CCDC73: variants seen among roughly 807,000 people sequenced by gnomAD.
The protein encoded by CCDC73 is coiled-coil domain containing 73.
In CCDC73, 95 loss-of-function variants were observed where a neutral mutation model predicts 116.5. That is an observed-to-expected ratio of 0.82 (90% CI 0.69 to 0.97). The LOEUF is 0.97. Ranked by LOEUF, CCDC73 falls within the 50% of genes least tolerant of loss-of-function variation. The pLI is 0.00. For missense variants in CCDC73, 1,066 were observed against 1,206.8 expected (o/e 0.88, Z 1.73); for synonymous variants, 398 against 401.3 (o/e 0.99, Z 0.10).
At chr11:32,829,663 G>T in the CCDC73 span, 2 of 731,542 alleles carry the variant, frequency 2.7e-6, no homozygotes, top group Non-Finnish European at 3.3e-6. Context: ...ACTGAGAACC[G>T]AAATGCTTCC....
Position 32,629,929 on chromosome 11 carries a change from A to C in CCDC73, c.1185+5767T>G, listed in dbSNP as rs1018663424. On this transcript the variant is annotated intron_variant, in intron 14 of 17. Coordinates refer to ENST00000335185, the MANE Select transcript of CCDC73 (RefSeq NM_001008391.4). ...GAATTCCAGCAGATATGCAAAAAAAAAAAAACAAAAAAAAAACGTTAAAAG... is the reference window on the plus strand; with the variant it reads ...GAATTCCAGCAGATATGCAAAAAAACAAAAACAAAAAAAAAACGTTAAAAG... 5.4e-5 allele frequency among the ~76,000 whole-genome samples: 8 copies of C among 148,950 alleles called. No homozygotes were observed. The East Asian group carries it at 1.4e-3, about 25-fold the overall frequency.
At chr11:32,668,330 CCATAAGCTCCT>C (rs1375587811) in intron 9 of CCDC73, among the ~76,000 whole-genome samples, 2 of 152,108 alleles carry the variant, frequency 1.3e-5, no homozygotes, top group Admixed American at 6.5e-5. Flanking sequence ...TTCCTATAGA[CCATAAGCTCCT>C]CAAGAAAATG....
At chr11:32,724,689 T>C (rs956745264) in intron 2 of CCDC73, among the ~76,000 whole-genome samples, 7 of 152,192 alleles carry the variant, frequency 4.6e-5, no homozygotes, top group African/African-American at 1.7e-4. Context: ...TGCCAATAAT[T>C]ACTTGGAGCT....
chr11:32,808,085 CAT>C, the CCDC73 span, among the ~76,000 whole-genome samples: 12 of 152,026 alleles, frequency 7.9e-5, no homozygotes, highest in African/African-American at 2.9e-4. Flanking sequence ...AAATTAAAAG[CAT>C]GTGTACAACA....
intron 2 of CCDC73, among the ~76,000 whole-genome samples, chr11:32,736,149 C>A (rs1175725369): frequency 1.3e-5 from 2 of 152,002 alleles, no homozygotes; most frequent in African/African-American, 2.4e-5. Flanking sequence ...CAAAAGCCAA[C>A]ATTGACAAAT....
chr11:32,665,559 C>A (rs1003500659), intron 9 of CCDC73, among the ~76,000 whole-genome samples: 2 of 152,112 alleles, frequency 1.3e-5, no homozygotes, highest in Non-Finnish European at 2.9e-5. Context: ...TGTCTCTGCA[C>A]GTGAGATGGG....
chr11:32,686,973 A>C (rs904366875), intron 6 of CCDC73, among the ~76,000 whole-genome samples: 3 of 152,252 alleles, frequency 2.0e-5, no homozygotes, highest in Admixed American at 6.5e-5. Context: ...ATAAAATGCA[A>C]ATGTTTTCCT....
At chr11:32,795,480 G>A (rs78773085), upstream of CCDC73, among the ~76,000 whole-genome samples, 163 of 27,532 alleles carry the variant, frequency 5.9e-3, 2 homozygotes, top group East Asian at 0.017. Context: ...AAAAAAAAAA[G>A]AAAAGAAAAG....
chr11:32,646,526 C>T (rs768775806), intron 12 of CCDC73, among the ~76,000 whole-genome samples: 19 of 152,248 alleles, frequency 1.2e-4, no homozygotes, highest in Non-Finnish European at 8.8e-5. Context: ...TTCCCAACAT[C>T]TGAAGGCATG....
At chr11:32,706,820 G>C (rs1190974925) in intron 3 of CCDC73, among the ~76,000 whole-genome samples, 1 of 152,112 alleles carries the variant, frequency 6.6e-6, no homozygotes, top group Non-Finnish European at 1.5e-5. Flanking sequence ...ACAACATCAT[G>C]CCCATCAAAT....
chr11:32,798,993 C>T (rs1381521342), upstream of CCDC73, among the ~76,000 whole-genome samples: 3 of 151,746 alleles, frequency 2.0e-5, no homozygotes, highest in African/African-American at 7.3e-5. Context: ...TCACTGCAGC[C>T]TTACCTCCTG....
chr11:32,731,890 A>C (rs1319366117), intron 2 of CCDC73, among the ~76,000 whole-genome samples: 2 of 152,204 alleles, frequency 1.3e-5, no homozygotes, highest in African/African-American at 4.8e-5. Context: ...TCGCCAGCAA[A>C]GGAACAAAGC....
chr11:32,808,737 C>T, the CCDC73 span, among the ~76,000 whole-genome samples: 4 of 151,988 alleles, frequency 2.6e-5, no homozygotes, highest in Admixed American at 6.6e-5. Flanking sequence ...TTTCTACCTT[C>T]GTAAGTTTAT....
intron 16 of CCDC73, 45 bp from the exon 17 acceptor site, chr11:32,611,310 G>C (rs1417123870): frequency 6.4e-7 from 1 of 1,565,946 alleles, no homozygotes; most frequent in Non-Finnish European, 8.7e-7. Context: ...TTTTCTCTAG[G>C]TACTCATTTT....
At chr11:32,739,801 T>C (rs1850167582) in intron 2 of CCDC73, among the ~76,000 whole-genome samples, 1 of 152,126 alleles carries the variant, frequency 6.6e-6, no homozygotes, top group African/African-American at 2.4e-5. Context: ...TCCCATTCAG[T>C]ATAATACTAG....
chr11:32,733,047 A>G (rs1160485492), intron 2 of CCDC73, among the ~76,000 whole-genome samples: 2 of 152,208 alleles, frequency 1.3e-5, no homozygotes, highest in African/African-American at 4.8e-5. Flanking sequence ...AGACACATAT[A>G]GGCTCAAAAT....
At chr11:32,676,068 A>G in intron 7 of CCDC73, 47 bp from the exon 8 acceptor site, 2 of 1,430,980 alleles carry the variant, frequency 1.4e-6, no homozygotes, top group East Asian at 2.4e-5. Context: ...ACACACACAC[A>G]TCGCCACACA....
At chr11:32,719,008 ACCATG>A (rs1849968336) in intron 2 of CCDC73, among the ~76,000 whole-genome samples, 1 of 152,192 alleles carries the variant, frequency 6.6e-6, no homozygotes, top group South Asian at 2.1e-4. Flanking sequence ...CACCACCACC[ACCATG>A]CCAATAAGCA....
At position 32,772,193 on chromosome 11, in the gene CCDC73, A is replaced by AT. The variant is rs1004149515; in HGVS notation, c.-15-11936dup. Among the ~76,000 whole-genome samples the AT allele has an allele frequency of 5.9e-5, 9 of 152,148 alleles. No homozygotes were observed. In the East Asian group the frequency reaches 1.2e-3, roughly 20 times the overall value. ...CCACAGATTCAATATTTTTAGTTTA[A>AT]TTTTTTTTATTCTGCTCTCTACATT... is the stretch of plus-strand genomic sequence containing the variant. On this transcript the variant is annotated intron_variant, in intron 1 of 17. Transcript: ENST00000335185.
Sources: allele counts gnomAD v4.1 joint callset (sites outside exome capture counted in the v4.1 genomes callset), GRCh38; gene constraint gnomAD v4.1.1; transcripts MANE v1.5; gene names NCBI Gene and HGNC (gene_info 2026-07-23, HGNC 2026-07-21).